Variants in HIVEP3 observed in about 807,000 individuals in gnomAD.
The protein encoded by HIVEP3 is HIVEP zinc finger 3.
A neutral mutation model predicts 152.8 loss-of-function variants in HIVEP3; 49 were observed. The ratio of observed to expected loss-of-function variants is 0.32; its 90% CI spans 0.26 to 0.41. The LOEUF (loss-of-function observed/expected upper bound fraction) is 0.41, where lower values mean the gene tolerates loss of function less well. Among genes scored for constraint, HIVEP3 ranks in the 10% least tolerant of loss-of-function variants. The pLI is 1.00. For missense variants in HIVEP3, 2,790 were observed against 3,103.3 expected, an observed-to-expected ratio of 0.90 and a Z score of 2.40; for synonymous variants, 1,269 against 1,289.0, an observed-to-expected ratio of 0.98 and a Z score of 0.33.
chr1:41,842,304 C>T (rs1190379482), intron 1 of HIVEP3, among the ~76,000 whole-genome samples: 1 of 152,106 alleles, frequency 6.6e-6, no homozygotes, highest in African/African-American at 2.4e-5. Flanking sequence ...ATTCCCAGGA[C>T]ACCCAGAAAA....
intron 1 of HIVEP3, among the ~76,000 whole-genome samples, chr1:41,702,331 A>C (rs140959923): frequency 1.2e-3 from 178 of 152,240 alleles, no homozygotes; most frequent in African/African-American, 3.9e-3. Flanking sequence ...AGTAGTTTCT[A>C]CCTTATAATA....
chr1:41,575,491 C>T (rs2149099979), intron 5 of HIVEP3, 53 bp downstream of exon 5: 1 of 1,589,890 alleles, frequency 6.3e-7, no homozygotes, highest in East Asian at 2.2e-5. Flanking sequence ...CACCAATGGG[C>T]ACCAGCTCTT....
At chr1:41,605,610 A>G (rs1644812418) in intron 3 of HIVEP3, among the ~76,000 whole-genome samples, 1 of 152,006 alleles carries the variant, frequency 6.6e-6, no homozygotes, top group African/African-American at 2.4e-5. Context: ...TTCCCAGTAC[A>G]GGTTGGGAGA....
At chr1:41,876,979 T>G (rs1644180421) in intron 1 of HIVEP3, among the ~76,000 whole-genome samples, 1 of 152,104 alleles carries the variant, frequency 6.6e-6, no homozygotes, top group African/African-American at 2.4e-5. Flanking sequence ...CCTAAACCCC[T>G]CCTGAGTTTC....
At chr1:41,838,983 C>T (rs1643207248) in intron 1 of HIVEP3, among the ~76,000 whole-genome samples, 1 of 152,216 alleles carries the variant, frequency 6.6e-6, no homozygotes, top group African/African-American at 2.4e-5. Flanking sequence ...AAATTATCTT[C>T]TTTCAAGAAG....
At chr1:41,610,997 T>C (rs192218352) in intron 3 of HIVEP3, among the ~76,000 whole-genome samples, 1 of 152,304 alleles carries the variant, frequency 6.6e-6, no homozygotes, top group East Asian at 1.9e-4. Flanking sequence ...TTGCAGTTCA[T>C]ACAGGCTTTC....
At chr1:41,688,177 G>A (rs541176309) in intron 2 of HIVEP3, among the ~76,000 whole-genome samples, 14 of 152,190 alleles carry the variant, frequency 9.2e-5, no homozygotes, top group African/African-American at 2.7e-4. Context: ...TAGCCAAGCC[G>A]ATCTTCTTCA....
chr1:41,551,981 C>T (rs534840347), intron 5 of HIVEP3, among the ~76,000 whole-genome samples: 248 of 152,192 alleles, frequency 1.6e-3, no homozygotes, highest in Admixed American at 2.4e-3. Context: ...GTTAGGGTGT[C>T]GATTTTAGAT....
chr1:41,675,340 A>G (rs1212111278), intron 2 of HIVEP3, among the ~76,000 whole-genome samples: 2 of 151,552 alleles, frequency 1.3e-5, no homozygotes, highest in Non-Finnish European at 2.9e-5. Context: ...TGCCTGGGAC[A>G]CTCTGCTCGT....
chr1:41,994,547 A>G (rs1645384089), intron 1 of HIVEP3, among the ~76,000 whole-genome samples: 1 of 152,056 alleles, frequency 6.6e-6, no homozygotes, highest in South Asian at 2.1e-4. Context: ...ATTGTGTGGC[A>G]TTTCCCCCAT....
At chr1:41,893,394 C>T (rs1056374676) in intron 1 of HIVEP3, among the ~76,000 whole-genome samples, 3 of 152,138 alleles carry the variant, frequency 2.0e-5, no homozygotes, top group Non-Finnish European at 4.4e-5. Flanking sequence ...GGCAGTTTAG[C>T]CCCCCTAGGG....
At chr1:41,954,759 C>G (rs773127694) in intron 1 of HIVEP3, among the ~76,000 whole-genome samples, 5 of 152,216 alleles carry the variant, frequency 3.3e-5, no homozygotes, top group Non-Finnish European at 7.3e-5. Context: ...AGGCTGTGGC[C>G]CAGGGCAGGT....
intron 1 of HIVEP3, among the ~76,000 whole-genome samples, chr1:41,933,823 T>G (rs541407413): frequency 5.1e-4 from 78 of 152,202 alleles, no homozygotes; most frequent in African/African-American, 1.5e-3. Flanking sequence ...TAAGCTGTAG[T>G]CTTAGGCAAG....
chr1:41,524,140 G>T (rs900191945), intron 6 of HIVEP3, among the ~76,000 whole-genome samples: 3 of 152,186 alleles, frequency 2.0e-5, no homozygotes, highest in African/African-American at 2.4e-5. Context: ...CTGATGTGGG[G>T]TGTGGCTGGG....
At chr1:41,887,348 T>C (rs886716351) in intron 1 of HIVEP3, among the ~76,000 whole-genome samples, 1 of 152,264 alleles carries the variant, frequency 6.6e-6, no homozygotes, top group Non-Finnish European at 1.5e-5. Flanking sequence ...ATATTCACCA[T>C]GGTACCTAAT....
intron 1 of HIVEP3, among the ~76,000 whole-genome samples, chr1:41,839,451 T>G (rs1643221737): frequency 6.6e-6 from 1 of 152,210 alleles, no homozygotes; most frequent in Admixed American, 6.5e-5. Context: ...CAGCAGCAAC[T>G]GGTCTCAGCT....
Position 41,562,496 on chromosome 1 carries a change from C to T in HIVEP3, c.5207+13048G>A, listed in dbSNP as rs1172373771. Among the ~76,000 whole-genome samples, 3 of 152,086 alleles carry T rather than the reference C, an allele frequency of 2.0e-5. No individual in the cohort carries two copies. The East Asian group carries it at 5.8e-4, about 29-fold the overall frequency. ...CTTTTCTTTTCCCTTTCCTTCCCTT[C>T]CTTCCTTCCTCTCTTTCTCCTTCCT... is the stretch of plus-strand genomic sequence containing the variant. On this transcript the variant is annotated intron_variant, in intron 5 of 8. Coordinates refer to ENST00000372583, the MANE Select transcript of HIVEP3 (RefSeq NM_024503.5).
At chr1:41,602,600 AT>A (rs1644763756) in intron 3 of HIVEP3, among the ~76,000 whole-genome samples, 1 of 151,818 alleles carries the variant, frequency 6.6e-6, no homozygotes, top group Non-Finnish European at 1.5e-5. Context: ...TTAATTTATA[AT>A]TTTATTTATT....
At chr1:41,693,742 CG>C (rs1646231375) in intron 2 of HIVEP3, among the ~76,000 whole-genome samples, 2 of 152,188 alleles carry the variant, frequency 1.3e-5, no homozygotes, top group Admixed American at 1.3e-4. Context: ...AATATTCCCT[CG>C]TTGTCTTTCT....
Sources: allele counts gnomAD v4.1 joint callset (sites outside exome capture counted in the v4.1 genomes callset), GRCh38; gene constraint gnomAD v4.1.1; transcripts MANE v1.5; gene names NCBI Gene and HGNC (gene_info 2026-07-23, HGNC 2026-07-21).